Variants in UBE2QL1 observed in about 807,000 individuals in gnomAD.
The protein encoded by UBE2QL1 is ubiquitin conjugating enzyme E2 QL1.
UBE2QL1 carries 5 observed loss-of-function variants against 12.6 expected under a neutral mutation model. The ratio of observed to expected loss-of-function variants is 0.40; its 90% CI spans 0.21 to 0.83. The LOEUF (loss-of-function observed/expected upper bound fraction) is 0.83, where lower values mean the gene tolerates loss of function less well. Ranked by LOEUF, UBE2QL1 falls within the 40% of genes least tolerant of loss-of-function variation. The pLI is 0.37. For synonymous variants in UBE2QL1, 96 were observed against 94.5 expected, an observed-to-expected ratio of 1.02 and a Z score of -0.10; for missense variants, 99 against 222.6, an observed-to-expected ratio of 0.44 and a Z score of 3.53.
intron 1 of UBE2QL1, among the ~76,000 whole-genome samples, chr5:6,462,751 A>G (rs1739700967): frequency 6.6e-6 from 1 of 152,186 alleles, no homozygotes; most frequent in African/African-American, 2.4e-5. Context: ...TCCCCATAGA[A>G]TTCTATGGAA....
intron 1 of UBE2QL1, among the ~76,000 whole-genome samples, chr5:6,453,692 C>T (rs1438658276): frequency 7.3e-6 from 1 of 137,002 alleles, no homozygotes; most frequent in Non-Finnish European, 1.6e-5. Context: ...CTGGGAAGCA[C>T]AAGTGCACAC....
At chr5:6,466,711 A>T (rs272482) in intron 1 of UBE2QL1, among the ~76,000 whole-genome samples, 10 of 152,266 alleles carry the variant, frequency 6.6e-5, no homozygotes, top group African/African-American at 2.4e-4. Flanking sequence ...GGCCGTCAAA[A>T]GGCTTTCTGG....
At chr5:6,466,323 G>T (rs1451408907) in intron 1 of UBE2QL1, among the ~76,000 whole-genome samples, 1 of 152,184 alleles carries the variant, frequency 6.6e-6, no homozygotes, top group East Asian at 1.9e-4. Flanking sequence ...ACACCCCAAG[G>T]CCAGGTGTCC....
At chr5:6,452,101 T>C (rs1739423436) in intron 1 of UBE2QL1, among the ~76,000 whole-genome samples, 1 of 152,252 alleles carries the variant, frequency 6.6e-6, no homozygotes, top group Admixed American at 6.5e-5. Flanking sequence ...ACTGCTCAGC[T>C]GAACTTTGTG....
intron 1 of UBE2QL1, among the ~76,000 whole-genome samples, chr5:6,488,040 A>G (rs953069172): frequency 2.0e-5 from 3 of 152,252 alleles, no homozygotes; most frequent in Non-Finnish European, 4.4e-5. Flanking sequence ...AACCTATGAA[A>G]AAAAAACTGT....
At chr5:6,484,756 C>T (rs1203692205) in intron 1 of UBE2QL1, among the ~76,000 whole-genome samples, 1 of 151,876 alleles carries the variant, frequency 6.6e-6, no homozygotes, top group Non-Finnish European at 1.5e-5. Flanking sequence ...CTCCCCCTCC[C>T]CTGTTTCTGC....
At chr5:6,467,480 G>C (rs997542179) in intron 1 of UBE2QL1, among the ~76,000 whole-genome samples, 3 of 152,064 alleles carry the variant, frequency 2.0e-5, no homozygotes, top group African/African-American at 4.8e-5. Context: ...TTCCTAGAGG[G>C]ACACCAGTCC....
intron 1 of UBE2QL1, 30 bp downstream of exon 1, chr5:6,449,277 C>T (rs1160608950): frequency 1.5e-6 from 2 of 1,353,396 alleles, no homozygotes; most frequent in Non-Finnish European, 1.9e-6. Flanking sequence ...GCTGGGGGCG[C>T]GGGGCCGAGA....
intron 1 of UBE2QL1, among the ~76,000 whole-genome samples, chr5:6,477,384 GGACAGGTGTGCCCGGAGGTCAGCCTGCT>G (rs1160455898): frequency 5.3e-5 from 8 of 151,434 alleles, no homozygotes; most frequent in African/African-American, 2.0e-4. Flanking sequence ...AGCCTGCTGA[GGACAGGTGTGCCCGGAGGTCAGCCTGCT>G]GACAGGTGCG....
rs1451962412 is a variant in UBE2QL1, at chr5:6,476,051, G to A, written c.355-15167G>A. 6.6e-6 allele frequency among the ~76,000 whole-genome samples: 1 copy of A among 152,176 alleles called. No homozygotes were observed. The highest frequency in any genetic ancestry group is 2.4e-5 in the African/African-American group (1 of 41,450). ...ATAAGTTCATCACACCCACTGAAAT[G>A]GCTCAGAACACTTTCAGGACTTCAA... On this transcript the variant is annotated intron_variant, in intron 1 of 1. Coordinates refer to ENST00000399816, the MANE Select transcript of UBE2QL1 (RefSeq NM_001145161.3). This position sits in a 1 kb window ranked among gnomAD's most constrained non-coding sequence, Gnocchi z 4.9.
intron 1 of UBE2QL1, among the ~76,000 whole-genome samples, chr5:6,449,754 G>A (rs1739373439): frequency 7.0e-6 from 1 of 142,088 alleles, no homozygotes; most frequent in African/African-American, 2.7e-5. Context: ...ACCTTTTCTC[G>A]CCCCTCTCTT....
intron 1 of UBE2QL1, among the ~76,000 whole-genome samples, chr5:6,469,231 C>T (rs1739857198): frequency 6.6e-6 from 1 of 152,124 alleles, no homozygotes; most frequent in Non-Finnish European, 1.5e-5. Flanking sequence ...CACAGCTGGG[C>T]AGGTAACACA....
chr5:6,464,384 C>T (rs777178201), intron 1 of UBE2QL1, among the ~76,000 whole-genome samples: 1 of 152,152 alleles, frequency 6.6e-6, no homozygotes, highest in African/African-American at 2.4e-5. Context: ...TCTCACAAGT[C>T]GAAAAGGAAC....
chr5:6,468,116 T>C (rs1003177107), intron 1 of UBE2QL1, among the ~76,000 whole-genome samples: 8 of 152,184 alleles, frequency 5.3e-5, no homozygotes, highest in Admixed American at 5.2e-4. Flanking sequence ...ACCGTCTCTA[T>C]AAACCTCCCC....
At chr5:6,455,314 G>A (rs1479007011) in intron 1 of UBE2QL1, among the ~76,000 whole-genome samples, 1 of 152,106 alleles carries the variant, frequency 6.6e-6, no homozygotes, top group Admixed American at 6.5e-5. Flanking sequence ...AGGTTTAGAA[G>A]GAAGGCAGCC....
rs1324184532 is a variant in UBE2QL1 at position 6,491,374 on chromosome 5, C to T, written c.*25C>T. The T allele has an allele frequency of 2.0e-5, 30 of 1,536,820 alleles. No individual in the cohort carries two copies. Among genetic ancestry groups the T allele is most frequent in the Non-Finnish European group, 2.5e-5 (28 of 1,140,866 alleles). On this transcript the variant is annotated 3_prime_UTR_variant, in exon 2 of 2. Coordinates refer to ENST00000399816, the MANE Select transcript of UBE2QL1 (RefSeq NM_001145161.3). ...ATGTCTGCCACGTGCAGTAGACGCT[C>T]GAGCGCCTGTCCACACACACACCAG...
intron 1 of UBE2QL1, among the ~76,000 whole-genome samples, chr5:6,450,324 A>G (rs1269663739): frequency 2.0e-5 from 3 of 152,158 alleles, no homozygotes; most frequent in Non-Finnish European, 4.4e-5. Context: ...CTTCTCACCT[A>G]TTGCATCAGA....
chr5:6,465,140 CCATG>C lies in UBE2QL1; in HGVS notation c.354+15898_354+15901del, dbSNP rs535456216. ...TATCTGGGACCACAGGTGTGCGCCACCATGCATGGCTAATTTTTGTATTTTTAGT... is the reference window on the plus strand; with the variant it reads ...TATCTGGGACCACAGGTGTGCGCCACCATGGCTAATTTTTGTATTTTTAGT... On this transcript the variant is annotated intron_variant, in intron 1 of 1. Coordinates refer to ENST00000399816, the MANE Select transcript of UBE2QL1 (RefSeq NM_001145161.3). Among the ~76,000 whole-genome samples, 175 of 152,116 alleles carry C rather than the reference CCATG, an allele frequency of 1.2e-3. 2 individuals carry two copies. The highest frequency in any genetic ancestry group is 1.9e-3 in the Non-Finnish European group (127 of 67,986).
chr5:6,487,395 AGGT>A (rs1490147793), intron 1 of UBE2QL1, among the ~76,000 whole-genome samples: 3 of 152,206 alleles, frequency 2.0e-5, no homozygotes, highest in African/African-American at 7.2e-5. Flanking sequence ...GAGACTTTTA[AGGT>A]GGTGATGGCA....
Sources: gnomAD v4.1 joint callset for allele counts (sites outside exome capture counted in the v4.1 genomes callset) on GRCh38, gnomAD v4.1.1 for gene constraint, Gnocchi (gnomAD v3.1) non-coding constraint, MANE v1.5 for transcripts, NCBI Gene and HGNC (gene_info 2026-07-23, HGNC 2026-07-21) for gene names.